The following FOXJ3 variants were observed in gnomAD, a reference collection of about 807,000 sequenced individuals.
The protein encoded by FOXJ3 is forkhead box protein J3.
FOXJ3 carries 22 observed loss-of-function variants against 76.1 expected under a neutral mutation model. The ratio of observed to expected loss-of-function variants is 0.29; its 90% CI spans 0.21 to 0.41. The LOEUF is 0.41. FOXJ3 is among the 10% of genes least tolerant of loss of function. The pLI, the probability that FOXJ3 is intolerant of heterozygous loss-of-function variation, is 1.00. For synonymous variants in FOXJ3, 269 were observed against 261.2 expected (o/e 1.03, Z -0.29); for missense variants, 613 against 762.1 (o/e 0.80, Z 2.30).
chr1:42,291,649 ATTTTTG>A (rs972139350), intron 2 of FOXJ3, among the ~76,000 whole-genome samples: 28 of 151,936 alleles, frequency 1.8e-4, no homozygotes, highest in South Asian at 8.3e-4. Flanking sequence ...GAAAAAAAAA[ATTTTTG>A]TTTTTGTTTT....
intron 6 of FOXJ3, among the ~76,000 whole-genome samples, chr1:42,203,398 T>C (rs1388481788): frequency 1.3e-5 from 2 of 152,206 alleles, no homozygotes; most frequent in Non-Finnish European, 2.9e-5. Flanking sequence ...TGATGTTATC[T>C]TCCTCCAAAG....
At chr1:42,288,528 G>A (rs1285937700) in intron 2 of FOXJ3, among the ~76,000 whole-genome samples, 1 of 152,174 alleles carries the variant, frequency 6.6e-6, no homozygotes, top group Non-Finnish European at 1.5e-5. Flanking sequence ...GGTGGAAAGT[G>A]ATCCTGTCTT....
At chr1:42,223,545 G>T (rs1445216156) in intron 5 of FOXJ3, among the ~76,000 whole-genome samples, 1 of 152,114 alleles carries the variant, frequency 6.6e-6, no homozygotes. Context: ...ACATCCTTTA[G>T]CATTTTCTAC....
chr1:42,278,423 T>C lies in FOXJ3; in HGVS notation c.294A>G (p.Lys98=). The C allele has an allele frequency of 6.2e-7, 1 of 1,614,070 alleles. No individual in the cohort carries two copies. The highest frequency in any genetic ancestry group is 8.5e-7 in the Non-Finnish European group (1 of 1,179,912). Residue 98 remains lysine, a synonymous_variant, in exon 3 of 13, where the codon AAA becomes AAG. Transcript: ENST00000361346. ...ACTGATAAATTTCACTTAAAGTCAT[T>C]TTCTTTTTGGGTGAGCTATTAATTG... ...TFAINSSPKK[K]MTLSEIYQWI...
At position 42,311,095 on chromosome 1, in the gene FOXJ3, TG is replaced by T; in HGVS notation, c.-3del. On this transcript the variant is annotated 5_prime_UTR_variant, in exon 2 of 13. Coordinates refer to ENST00000361346, the MANE Select transcript of FOXJ3 (RefSeq NM_014947.5). ...ACAAGCCTGTCCATACAAACCCATC[TG>T]GCCACAAAGAGAATCTGAAAAGCAA... The T allele has an allele frequency of 6.3e-7, 1 of 1,597,422 alleles. No homozygotes were observed. Among genetic ancestry groups the T allele is most frequent in the South Asian group, 1.2e-5 (1 of 86,914 alleles).
chr1:42,235,350 T>G (rs1648519776), intron 4 of FOXJ3, among the ~76,000 whole-genome samples: 4 of 151,520 alleles, frequency 2.6e-5, no homozygotes, highest in African/African-American at 7.3e-5. Flanking sequence ...CTTGCGTTTT[T>G]CGGGTGAGGT....
At chr1:42,324,611 C>T (rs1272827997) in intron 1 of FOXJ3, among the ~76,000 whole-genome samples, 1 of 151,994 alleles carries the variant, frequency 6.6e-6, no homozygotes, top group East Asian at 1.9e-4. Flanking sequence ...ATGGTAGAGC[C>T]TACTACACAC....
In FOXJ3 at chr1:42,316,246, G is replaced by A. The variant is rs548182180; in HGVS notation, c.-17-5136C>T. 3.4e-4 allele frequency among the ~76,000 whole-genome samples: 51 copies of A among 151,174 alleles called. No homozygotes were observed. In the South Asian group the frequency reaches 4.0e-3, roughly 12 times the overall value. ...TACAGTGGCCAGATGATAGCTCACTGCAGCCTCGAACTTCTGAGCTCAAGC... is the reference window on the plus strand; with the variant it reads ...TACAGTGGCCAGATGATAGCTCACTACAGCCTCGAACTTCTGAGCTCAAGC... On this transcript the variant is annotated intron_variant, in intron 1 of 12. Coordinates refer to ENST00000361346, the MANE Select transcript of FOXJ3 (RefSeq NM_014947.5).
chr1:42,194,849 C>G, intron 8 of FOXJ3, 41 bp downstream of exon 8: 1 of 1,309,832 alleles, frequency 7.6e-7, no homozygotes, highest in Non-Finnish European at 1.1e-6. Flanking sequence ...AACCTTTTTC[C>G]AATAAAACTT....
rs1655117984 is a variant in FOXJ3 at position 42,316,472 on chromosome 1, G to A, written c.-17-5362C>T. On this transcript the variant is annotated intron_variant, in intron 1 of 12. Coordinates refer to ENST00000361346, the MANE Select transcript of FOXJ3 (RefSeq NM_014947.5). Reference sequence around the variant, plus strand: ...AGGCATGAGTCATCACACCCAGCTCGAAATACTTACGAGCTCTCTCCCCTC... The same window carrying A: ...AGGCATGAGTCATCACACCCAGCTCAAAATACTTACGAGCTCTCTCCCCTC... 2.6e-5 allele frequency among the ~76,000 whole-genome samples: 4 copies of A among 151,360 alleles called. No homozygotes were observed. The South Asian group carries it at 6.3e-4, about 24-fold the overall frequency.
At chr1:42,272,316 A>G (rs1651922032) in intron 3 of FOXJ3, among the ~76,000 whole-genome samples, 2 of 152,254 alleles carry the variant, frequency 1.3e-5, no homozygotes. Flanking sequence ...TGTTCTAAAC[A>G]AAACTAAGGA....
At chr1:42,329,494 C>A (rs906237135) in intron 1 of FOXJ3, among the ~76,000 whole-genome samples, 5 of 152,104 alleles carry the variant, frequency 3.3e-5, no homozygotes, top group Non-Finnish European at 7.4e-5. Context: ...TAAAGAATAA[C>A]CCCCTCTAGG....
At chr1:42,215,764 C>T (rs1342178894) in intron 5 of FOXJ3, among the ~76,000 whole-genome samples, 1 of 152,124 alleles carries the variant, frequency 6.6e-6, no homozygotes, top group Non-Finnish European at 1.5e-5. Context: ...GATTTCTCAT[C>T]AGAAATGATG....
rs115338927 is a variant in FOXJ3 at position 42,243,621 on chromosome 1, T to C, written c.445-15655A>G. Among the ~76,000 whole-genome samples, 629 of 151,958 alleles carry C rather than the reference T, an allele frequency of 4.1e-3. 3 individuals are homozygous for C. The highest frequency in any genetic ancestry group is 0.014 in the African/African-American group (586 of 41,452). ...CAGTAACCAAGATAAGTAGAGACAGTTGCATTAGATTAAAACAGACTTTAA... is the reference window on the plus strand; with the variant it reads ...CAGTAACCAAGATAAGTAGAGACAGCTGCATTAGATTAAAACAGACTTTAA... On this transcript the variant is annotated intron_variant, in intron 4 of 12. Coordinates refer to ENST00000361346, the MANE Select transcript of FOXJ3 (RefSeq NM_014947.5).
intron 2 of FOXJ3, among the ~76,000 whole-genome samples, chr1:42,284,840 A>G (rs1570155537): frequency 1.3e-5 from 2 of 152,346 alleles, no homozygotes; most frequent in South Asian, 4.1e-4. Flanking sequence ...AGCAGACAAC[A>G]AATCACAGTA....
At chr1:42,290,761 G>A (rs1653364495) in intron 2 of FOXJ3, among the ~76,000 whole-genome samples, 1 of 151,934 alleles carries the variant, frequency 6.6e-6, no homozygotes, top group African/African-American at 2.4e-5. Context: ...TTACTTGATG[G>A]AACTACTCAA....
intron 4 of FOXJ3, among the ~76,000 whole-genome samples, chr1:42,250,629 C>T (rs1202472878): frequency 2.0e-5 from 3 of 151,872 alleles, no homozygotes; most frequent in Admixed American, 1.3e-4. Context: ...CCAGCCTGGC[C>T]AACATGGAGA....
Position 42,176,735 on chromosome 1 carries a change from C to G in FOXJ3, c.*2975G>C, listed in dbSNP as rs1646221971. ...AACTGTAGAAACATTAAAACACTGA[C>G]TGTCCAACAGCAGTACAGAGAGCAG... On this transcript the variant is annotated 3_prime_UTR_variant, in exon 13 of 13. Coordinates refer to ENST00000361346, the MANE Select transcript of FOXJ3 (RefSeq NM_014947.5). 1 of 152,620 alleles carries G rather than the reference C, an allele frequency of 6.6e-6. No homozygotes were observed. The highest frequency in any genetic ancestry group is 2.4e-5 in the African/African-American group (1 of 41,428). 9.5% of individuals were successfully genotyped at this position (152,620 alleles called of 1,614,324 possible).
chr1:42,308,322 G>A (rs957875266), intron 2 of FOXJ3, among the ~76,000 whole-genome samples: 1 of 152,226 alleles, frequency 6.6e-6, no homozygotes, highest in Non-Finnish European at 1.5e-5. Flanking sequence ...ATTGGGTAGT[G>A]TAGTGTGCAG....
Sources: allele counts gnomAD v4.1 joint callset (sites outside exome capture counted in the v4.1 genomes callset), GRCh38; gene constraint gnomAD v4.1.1; transcripts MANE v1.5; gene names NCBI Gene and HGNC (gene_info 2026-07-23, HGNC 2026-07-21).